Variants in KLHL15 observed in about 807,000 individuals in gnomAD.
KLHL15 encodes kelch-like protein 15.
KLHL15 carries 1 observed loss-of-function variant against 29.3 expected under a neutral mutation model. The observed-to-expected ratio is 0.03, with a 90% CI of 0.01 to 0.16. KLHL15 has a LOEUF of 0.16. Ranked by LOEUF, KLHL15 falls within the 10% of genes least tolerant of loss-of-function variation. KLHL15 has a pLI of 1.00. For synonymous variants in KLHL15, 212 were observed against 184.5 expected, an observed-to-expected ratio of 1.15 and a Z score of -1.21; for missense variants, 215 against 478.5, an observed-to-expected ratio of 0.45 and a Z score of 5.14.
intron 2 of KLHL15, among the ~76,000 whole-genome samples, chrX:24,012,036 C>G (rs893208420): frequency 9.1e-6 from 1 of 110,442 alleles, no homozygotes; most frequent in African/African-American, 3.3e-5. Context: ...GTAATCCCAG[C>G]TACTCAGGTC....
chrX:24,002,102 C>A (rs972615305), intron 3 of KLHL15, among the ~76,000 whole-genome samples: 21 of 109,696 alleles, frequency 1.9e-4, no homozygotes, highest in African/African-American at 7.0e-4. Context: ...CACTGTACTG[C>A]AGCCTGGGCA....
intron 2 of KLHL15, among the ~76,000 whole-genome samples, chrX:24,024,361 ACT>A (rs1302495639): frequency 3.6e-5 from 4 of 111,491 alleles, no homozygotes; most frequent in Non-Finnish European, 3.8e-5. Flanking sequence ...TTCTTACAAC[ACT>A]CTACAGTTAA....
chrX:24,025,133 C>G, intron 1 of KLHL15, 75 bp from the exon 2 acceptor site: 1 of 295,201 alleles, frequency 3.4e-6, no homozygotes, highest in Non-Finnish European at 5.9e-6. Flanking sequence ...CGTCGGGGCC[C>G]GGACCGACCT....
Position 23,987,873 on chromosome X carries a change from T to C in KLHL15, c.*48A>G. The C allele has an allele frequency of 9.0e-7, 1 of 1,105,112 alleles. No homozygotes were observed. 91.1% of individuals were successfully genotyped at this position (1,105,112 alleles called of 1,213,427 possible). ...TTATATGTTTTAATTAATTACTCTG[T>C]GCAAACAAATACTTTGTTTGCCTCT... On this transcript the variant is annotated 3_prime_UTR_variant, in exon 4 of 4. Coordinates refer to ENST00000328046, the MANE Select transcript of KLHL15 (RefSeq NM_030624.3).
At chrX:24,023,928 C>T (rs1337213769) in intron 2 of KLHL15, among the ~76,000 whole-genome samples, 1 of 112,270 alleles carries the variant, frequency 8.9e-6, no homozygotes, top group African/African-American at 3.2e-5. Context: ...ATCCTGCTCC[C>T]TAGATATGAA....
At chrX:24,005,759 T>TA (rs1372279882) in intron 3 of KLHL15, among the ~76,000 whole-genome samples, 1 of 112,350 alleles carries the variant, frequency 8.9e-6, no homozygotes, top group Non-Finnish European at 1.9e-5. Flanking sequence ...TTTTACTACC[T>TA]ACGTGGTTTA....
intron 3 of KLHL15, among the ~76,000 whole-genome samples, chrX:23,990,356 G>C (rs1053118937): frequency 9.9e-5 from 11 of 111,094 alleles, no homozygotes; most frequent in Non-Finnish European, 1.9e-4. Context: ...CAGAATTAGA[G>C]ATAAAGATTA....
intron 3 of KLHL15, among the ~76,000 whole-genome samples, chrX:23,992,108 T>A (rs1424096690): frequency 2.7e-5 from 3 of 111,917 alleles, no homozygotes; most frequent in African/African-American, 9.7e-5. Flanking sequence ...GCATGGTAAT[T>A]AAGCACCATG....
At chrX:24,018,026 G>A (rs1467446327) in intron 2 of KLHL15, among the ~76,000 whole-genome samples, 2 of 110,794 alleles carry the variant, frequency 1.8e-5, no homozygotes, top group Non-Finnish European at 3.8e-5. Context: ...AATCGCTTGC[G>A]GTGAGGATGT....
chrX:24,017,879 C>T (rs1428358414), intron 2 of KLHL15, among the ~76,000 whole-genome samples: 1 of 110,020 alleles, frequency 9.1e-6, no homozygotes, highest in Non-Finnish European at 1.9e-5. Flanking sequence ...AGGCAAGGCA[C>T]GAGGATCACT....
At chrX:24,021,526 C>T (rs932773621) in intron 2 of KLHL15, among the ~76,000 whole-genome samples, 2 of 112,353 alleles carry the variant, frequency 1.8e-5, no homozygotes, top group African/African-American at 6.5e-5. Flanking sequence ...TTCAATTTGT[C>T]GGTTTTGCTT....
intron 2 of KLHL15, among the ~76,000 whole-genome samples, chrX:24,008,435 C>T (rs955554909): frequency 2.7e-5 from 3 of 111,905 alleles, no homozygotes; most frequent in East Asian, 2.8e-4. Flanking sequence ...AGACAGGTTT[C>T]GCCATGTTGG....
chrX:24,000,971 A>T (rs955409308), intron 3 of KLHL15, among the ~76,000 whole-genome samples: 1 of 112,170 alleles, frequency 8.9e-6, no homozygotes, highest in African/African-American at 3.2e-5. Context: ...ATGTACCTCA[A>T]TTTCACCCGG....
At chrX:24,025,655 C>G (rs1271734147) in intron 1 of KLHL15, among the ~76,000 whole-genome samples, 1 of 105,447 alleles carries the variant, frequency 9.5e-6, no homozygotes, top group Non-Finnish European at 2.0e-5. Context: ...GCGCCAATGC[C>G]GCCATCTTTC....
At chrX:24,002,549 A>T (rs1489291413) in intron 3 of KLHL15, among the ~76,000 whole-genome samples, 1 of 109,959 alleles carries the variant, frequency 9.1e-6, no homozygotes, top group Non-Finnish European at 1.9e-5. Context: ...TTCATATCAA[A>T]GTTTTCCCAC....
At chrX:24,013,423 C>T (rs745874480) in intron 2 of KLHL15, among the ~76,000 whole-genome samples, 12 of 110,322 alleles carry the variant, frequency 1.1e-4, no homozygotes, top group African/African-American at 3.6e-4. Context: ...CCACCAGACT[C>T]GGCTAATTTT....
At chrX:23,995,300 G>A (rs778582628) in intron 3 of KLHL15, among the ~76,000 whole-genome samples, 1 of 108,300 alleles carries the variant, frequency 9.2e-6, no homozygotes, top group South Asian at 4.1e-4. Flanking sequence ...CCAGTTACTC[G>A]GGAGGCTGAG....
At chrX:23,996,250 C>T (rs1413171672) in intron 3 of KLHL15, among the ~76,000 whole-genome samples, 3 of 111,688 alleles carry the variant, frequency 2.7e-5, no homozygotes, top group African/African-American at 9.7e-5. Context: ...CTAACCTAAT[C>T]GCTCGAATGA....
At chrX:23,995,121 C>T (rs1168445377) in intron 3 of KLHL15, among the ~76,000 whole-genome samples, 1 of 111,595 alleles carries the variant, frequency 9.0e-6, no homozygotes, top group Non-Finnish European at 1.9e-5. Flanking sequence ...CACACACACG[C>T]ATATATACAC....
Sources: allele counts gnomAD v4.1 joint callset (sites outside exome capture counted in the v4.1 genomes callset), GRCh38; gene constraint gnomAD v4.1.1; transcripts MANE v1.5; gene names NCBI Gene and HGNC (gene_info 2026-07-23, HGNC 2026-07-21).